The following ALMS1 variants were observed in gnomAD, a reference collection of about 807,000 sequenced individuals.
ALMS1 encodes the protein ALMS1 centrosome and basal body associated protein, also known as centrosome-associated protein ALMS1.
A neutral mutation model predicts 352.2 loss-of-function variants in ALMS1; 271 were observed. That is an observed-to-expected ratio of 0.77 (90% confidence interval 0.70 to 0.85). The LOEUF (loss-of-function observed/expected upper bound fraction) is 0.85. ALMS1 is among the 40% of genes least tolerant of loss of function. The pLI, the probability that ALMS1 is intolerant of heterozygous loss-of-function variation, is 0.00. For synonymous variants in ALMS1, 1,865 were observed against 1,761.2 expected, an observed-to-expected ratio of 1.06 and a Z score of -1.48; for missense variants, 5,445 against 4,870.7, an observed-to-expected ratio of 1.12 and a Z score of -3.51.
chr2:73,556,326 A>G (rs188867423), intron 13 of ALMS1, among the ~76,000 whole-genome samples: 16 of 152,314 alleles, frequency 1.1e-4, no homozygotes, highest in African/African-American at 3.8e-4. Flanking sequence ...TTGCATTTTT[A>G]GCAATCTCTA....
chr2:73,407,941 AG>A (rs1283241060), intron 1 of ALMS1, among the ~76,000 whole-genome samples: 1 of 151,896 alleles, frequency 6.6e-6, no homozygotes, highest in African/African-American at 2.4e-5. Context: ...TTTTAGTAAG[AG>A]GGTTATTTTT....
chr2:73,609,709 C>T lies in ALMS1; in HGVS notation c.*97C>T. Reference sequence around the variant, plus strand: ...TGAGTCTGGTTGAATAAAGCTTATTCTTTGTCCATGTGTATTTTAGAAATA... The same window carrying T: ...TGAGTCTGGTTGAATAAAGCTTATTTTTTGTCCATGTGTATTTTAGAAATA... On this transcript the variant is annotated 3_prime_UTR_variant, in exon 23 of 23. Transcript: ENST00000613296. The T allele has an allele frequency of 8.3e-7, 1 of 1,206,998 alleles. No homozygotes were observed. The highest frequency in any genetic ancestry group is 1.2e-5 in the South Asian group (1 of 81,762). 74.8% of individuals were successfully genotyped at this position (1,206,998 alleles called of 1,614,324 possible). A position where few individuals can be genotyped will look rare whatever the true frequency, so the allele number is the denominator to read the frequency against.
At chr2:73,407,828 G>A (rs1671000952) in intron 1 of ALMS1, among the ~76,000 whole-genome samples, 1 of 152,186 alleles carries the variant, frequency 6.6e-6, no homozygotes, top group Admixed American at 6.5e-5. Context: ...AAAGTGCTGG[G>A]ATTACAGGTG....
intron 9 of ALMS1, among the ~76,000 whole-genome samples, chr2:73,461,607 A>G (rs990760452): frequency 3.3e-5 from 5 of 152,236 alleles, no homozygotes; most frequent in Non-Finnish European, 7.3e-5. Context: ...CTGGATGGAC[A>G]ATGACTTTGA....
chr2:73,389,224 G>A (rs1275505236), intron 1 of ALMS1, among the ~76,000 whole-genome samples: 2 of 151,878 alleles, frequency 1.3e-5, no homozygotes, highest in African/African-American at 4.8e-5. Flanking sequence ...TTTTTTGGCC[G>A]CTCGTATGTC....
intron 1 of ALMS1, among the ~76,000 whole-genome samples, chr2:73,406,856 A>G (rs1852646): frequency 0.83 from 125,933 of 152,060 alleles, 52,300 homozygotes; most frequent in Non-Finnish European, 0.86. Flanking sequence ...CAAACTCCTG[A>G]CCTCAAGTGA....
intron 12 of ALMS1, among the ~76,000 whole-genome samples, chr2:73,540,391 A>G (rs1311848293): frequency 6.6e-6 from 1 of 152,202 alleles, no homozygotes; most frequent in African/African-American, 2.4e-5. Context: ...GAAAGGAACA[A>G]CTGGTACCAG....
At chr2:73,531,627 T>G (rs973110405) in intron 11 of ALMS1, among the ~76,000 whole-genome samples, 1 of 152,264 alleles carries the variant, frequency 6.6e-6, no homozygotes, top group African/African-American at 2.4e-5. Context: ...TCAGGTTATC[T>G]TTATAGCAGT....
At chr2:73,419,971 T>G (rs577443016) in intron 3 of ALMS1, among the ~76,000 whole-genome samples, 1 of 152,358 alleles carries the variant, frequency 6.6e-6, no homozygotes, top group South Asian at 2.1e-4. Context: ...AAACTAATGC[T>G]ATCCAAATCA....
rs568082384 is a variant in ALMS1, at chr2:73,473,965, T to C, written c.7675-15669T>C. On this transcript the variant is annotated intron_variant, in intron 9 of 22. Coordinates refer to ENST00000613296, the MANE Select transcript of ALMS1 (RefSeq NM_001378454.1). ...GAGAGAGAAAGGGGCGGTAATAATA[T>C]TTGAAGAAATAATGGTTGAAAACTT... 3.3e-5 allele frequency among the ~76,000 whole-genome samples: 5 copies of C among 152,072 alleles called. No homozygotes were observed. In the South Asian group the frequency reaches 1.0e-3, roughly 32 times the overall value.
intron 1 of ALMS1, among the ~76,000 whole-genome samples, chr2:73,402,034 A>T (rs564172571): frequency 1.4e-3 from 182 of 131,762 alleles, no homozygotes; most frequent in African/African-American, 5.9e-3. Context: ...TGTGTGTGTT[A>T]TGTGTGTGTG....
chr2:73,573,108 A>C lies in ALMS1; in HGVS notation c.11231A>C (p.Glu3744Ala), dbSNP rs1674978120. 1 of 1,613,976 alleles carries C rather than the reference A, an allele frequency of 6.2e-7. No homozygotes were observed. The highest frequency in any genetic ancestry group is 1.3e-5 in the African/African-American group (1 of 74,912). ...GATTGTCGGCCCTCAGAGGAGAGTG[A>C]GCTGCTCACAGATACTACCACCAAC... ...SSDCRPSEESELLTDTTTNIL... is the reference protein window; with the variant it reads ...SSDCRPSEESALLTDTTTNIL... The change falls in exon 16 of 23, where the codon GAG becomes GCG. Residue 3744 changes from glutamate to alanine, a missense_variant. Physicochemically the swap from Glu to Ala is moderately radical, Grantham distance 107 (BLOSUM62 -1). Transcript: ENST00000613296.
chr2:73,584,698 C>T (rs1034983603), intron 16 of ALMS1, among the ~76,000 whole-genome samples: 70 of 152,274 alleles, frequency 4.6e-4, no homozygotes, highest in African/African-American at 1.7e-3. Flanking sequence ...AAGTTGTTTA[C>T]TGGTGATTTC....
intron 11 of ALMS1, among the ~76,000 whole-genome samples, chr2:73,529,233 G>A (rs1210286220): frequency 6.6e-6 from 1 of 151,788 alleles, no homozygotes; most frequent in African/African-American, 2.4e-5. Context: ...TAGTAGAGAC[G>A]GGGTTTCACC....
At chr2:73,552,993 A>G (rs761962150) in intron 13 of ALMS1, among the ~76,000 whole-genome samples, 2 of 152,228 alleles carry the variant, frequency 1.3e-5, no homozygotes, top group Admixed American at 1.3e-4. Context: ...CAAAAAAGAA[A>G]GAACCAAAGG....
chr2:73,459,967 A>G lies in ALMS1; in HGVS notation c.7674+4672A>G, dbSNP rs111354425. ...CCCCTGTAGGCCTGTTTCCTTATCT[A>G]TTACTTTTATTATAAAATGAGAGCT... On this transcript the variant is annotated intron_variant, in intron 9 of 22. Transcript: ENST00000613296. Among the ~76,000 whole-genome samples the G allele has an allele frequency of 4.2e-3, 645 of 152,130 alleles. 5 individuals carry two copies. The highest frequency in any genetic ancestry group is 0.012 in the African/African-American group (505 of 41,506).
At chr2:73,562,139 A>C (rs1452091706) in intron 15 of ALMS1, among the ~76,000 whole-genome samples, 1 of 149,560 alleles carries the variant, frequency 6.7e-6, no homozygotes, top group Non-Finnish European at 1.5e-5. Context: ...TGGAACTTAC[A>C]ATTGTATGTA....
intron 9 of ALMS1, among the ~76,000 whole-genome samples, chr2:73,483,702 G>T (rs1672763081): frequency 6.6e-6 from 1 of 150,392 alleles, no homozygotes; most frequent in Non-Finnish European, 1.5e-5. Flanking sequence ...TAATGTGTGG[G>T]AGTCTAAGTC....
At chr2:73,435,334 T>C (rs1367365711) in intron 7 of ALMS1, among the ~76,000 whole-genome samples, 2 of 152,194 alleles carry the variant, frequency 1.3e-5, no homozygotes, top group African/African-American at 4.8e-5. Flanking sequence ...CCTTTTATTA[T>C]TGCATGAAGT....
Sources: allele counts gnomAD v4.1 joint callset (sites outside exome capture counted in the v4.1 genomes callset), GRCh38; gene constraint gnomAD v4.1.1; transcripts MANE v1.5; gene names NCBI Gene and HGNC (gene_info 2026-07-23, HGNC 2026-07-21).